RUNX2: variants seen among roughly 807,000 people sequenced by gnomAD.
RUNX2 encodes the protein runt-related transcription factor 2.
A neutral mutation model predicts 51.7 loss-of-function variants in RUNX2; 10 were observed. That is an observed-to-expected ratio of 0.19 (90% CI 0.12 to 0.33). RUNX2 has a LOEUF of 0.33. RUNX2 is among the 10% of genes least tolerant of loss of function. The pLI, the probability that RUNX2 is intolerant of heterozygous loss-of-function variation, is 1.00. For missense variants in RUNX2, 562 were observed against 691.3 expected, an observed-to-expected ratio of 0.81 and a Z score of 2.10; for synonymous variants, 276 against 273.6, an observed-to-expected ratio of 1.01 and a Z score of -0.09.
intron 5 of RUNX2, among the ~76,000 whole-genome samples, chr6:45,442,488 A>C (rs951812295): frequency 9.2e-5 from 14 of 152,346 alleles, no homozygotes; most frequent in African/African-American, 3.4e-4. Flanking sequence ...TAATTTCTAC[A>C]GGAATGTGAA....
intron 5 of RUNX2, among the ~76,000 whole-genome samples, chr6:45,443,758 A>G (rs563246970): frequency 1.5e-4 from 23 of 152,382 alleles, no homozygotes; most frequent in Admixed American, 1.3e-3. Context: ...CTCAAGTGAG[A>G]AGAACATTAG....
At chr6:45,497,755 T>C (rs574113301) in intron 6 of RUNX2, among the ~76,000 whole-genome samples, 1 of 152,274 alleles carries the variant, frequency 6.6e-6, no homozygotes, top group African/African-American at 2.4e-5. Flanking sequence ...TCTAGGGCCA[T>C]GTTTTCTTCA....
intron 5 of RUNX2, among the ~76,000 whole-genome samples, chr6:45,467,374 C>T (rs1394869403): frequency 4.6e-5 from 7 of 152,138 alleles, no homozygotes; most frequent in Non-Finnish European, 7.3e-5. Context: ...CTCTGCCTCC[C>T]GGGTTCAAGC....
At chr6:45,345,459 G>A (rs1470007863) in intron 2 of RUNX2, among the ~76,000 whole-genome samples, 4 of 151,922 alleles carry the variant, frequency 2.6e-5, no homozygotes, top group Non-Finnish European at 5.9e-5. Flanking sequence ...AATTATGATA[G>A]ACTCCTCAAC....
At position 45,471,240 on chromosome 6, in the gene RUNX2, G is replaced by T. The variant is rs375427916; in HGVS notation, c.686-20701G>T. 9.9e-5 allele frequency among the ~76,000 whole-genome samples: 15 copies of T among 152,026 alleles called. No homozygotes were observed. In the East Asian group the frequency reaches 2.9e-3, roughly 29 times the overall value. On this transcript the variant is annotated intron_variant, in intron 5 of 8. Transcript: ENST00000647337. ...CCAGATTTGTTACATTAAAAAGTAG[G>T]TCCAGAACAAATAAGTTCCTGGTTG...
chr6:45,383,086 A>C (rs1036456886), intron 2 of RUNX2, among the ~76,000 whole-genome samples: 2 of 152,198 alleles, frequency 1.3e-5, no homozygotes, highest in Non-Finnish European at 2.9e-5. Context: ...TTGGGGAATA[A>C]GTACATAATT....
intron 2 of RUNX2, among the ~76,000 whole-genome samples, chr6:45,369,155 C>T (rs1795631011): frequency 6.6e-6 from 1 of 152,062 alleles, no homozygotes; most frequent in Non-Finnish European, 1.5e-5. Flanking sequence ...AAACTTATCT[C>T]AAATCAGTCA....
chr6:45,332,540 CT>C (rs999882145), intron 2 of RUNX2, among the ~76,000 whole-genome samples: 2 of 151,702 alleles, frequency 1.3e-5, no homozygotes, highest in Admixed American at 1.3e-4. Context: ...CTGTTCTAAC[CT>C]TTGTTCTAGG....
intron 2 of RUNX2, among the ~76,000 whole-genome samples, chr6:45,417,611 C>T (rs1195959052): frequency 6.6e-6 from 1 of 152,114 alleles, no homozygotes. Context: ...GTCTTGCATC[C>T]CTTTCACTTT....
At chr6:45,463,929 C>A (rs1174365817) in intron 5 of RUNX2, among the ~76,000 whole-genome samples, 1 of 152,190 alleles carries the variant, frequency 6.6e-6, no homozygotes, top group African/African-American at 2.4e-5. Context: ...CACGGTGGCT[C>A]ACGCCTGTAA....
chr6:45,502,304 T>C (rs1018765407), intron 6 of RUNX2, among the ~76,000 whole-genome samples: 3 of 152,322 alleles, frequency 2.0e-5, no homozygotes, highest in African/African-American at 7.2e-5. Context: ...TGTAAGATCA[T>C]CCTTTTTGAT....
intron 5 of RUNX2, among the ~76,000 whole-genome samples, chr6:45,453,383 A>G (rs1243262658): frequency 6.6e-6 from 1 of 152,224 alleles, no homozygotes; most frequent in Non-Finnish European, 1.5e-5. Flanking sequence ...GGCCAGTTCC[A>G]TATTTTCTGC....
At position 45,545,287 on chromosome 6, in the gene RUNX2, G is replaced by A. The variant is rs1563132952; in HGVS notation, c.1087+5G>A. 1 of 1,546,518 alleles carries A rather than the reference G, an allele frequency of 6.5e-7. No homozygotes were observed. The highest frequency in any genetic ancestry group is 2.0e-5 in the Admixed American group (1 of 50,916). ...TCAGTAAGAAGAGCCAGGCAGGTGA[G>A]ACTTTTAACAATTGCTGGGCTGGGC... On this transcript the variant is annotated splice_donor_5th_base_variant and intron_variant, in intron 8 of 8. Coordinates refer to ENST00000647337, the MANE Select transcript of RUNX2 (RefSeq NM_001024630.4).
intron 5 of RUNX2, among the ~76,000 whole-genome samples, chr6:45,441,179 CTT>C (rs1401513152): frequency 6.6e-6 from 1 of 152,104 alleles, no homozygotes; most frequent in East Asian, 1.9e-4. Context: ...CTGTTTATCA[CTT>C]ATAGTGGCTT....
intron 2 of RUNX2, among the ~76,000 whole-genome samples, chr6:45,343,289 C>G (rs939141494): frequency 7.2e-5 from 11 of 152,036 alleles, no homozygotes; most frequent in Non-Finnish European, 1.3e-4. Flanking sequence ...GCGGGCAGAC[C>G]AAGAAGATCA....
intron 5 of RUNX2, among the ~76,000 whole-genome samples, chr6:45,449,166 C>T (rs1007325502): frequency 3.9e-5 from 6 of 152,266 alleles, no homozygotes; most frequent in Non-Finnish European, 7.4e-5. Flanking sequence ...ACCTCATTGC[C>T]ATCTTTGTGA....
intron 2 of RUNX2, among the ~76,000 whole-genome samples, chr6:45,396,149 A>C (rs1294888693): frequency 6.6e-6 from 1 of 152,196 alleles, no homozygotes; most frequent in African/African-American, 2.4e-5. Flanking sequence ...GCATCTGTCA[A>C]AATAAGCATT....
intron 2 of RUNX2, 175 bp from the exon 3 acceptor site, chr6:45,422,418 G>A (rs1202984179): frequency 3.1e-6 from 2 of 636,182 alleles, no homozygotes; most frequent in Non-Finnish European, 5.7e-6. Context: ...ACTCCGCCCG[G>A]CAGTCGGCCT....
At chr6:45,495,868 C>T (rs1800629051) in intron 6 of RUNX2, among the ~76,000 whole-genome samples, 1 of 152,192 alleles carries the variant, frequency 6.6e-6, no homozygotes, top group Non-Finnish European at 1.5e-5. Flanking sequence ...TAGCTAGAAC[C>T]TAATTAAAGT....
Sources: gnomAD v4.1 joint callset for allele counts (sites outside exome capture counted in the v4.1 genomes callset) on GRCh38, gnomAD v4.1.1 for gene constraint, MANE v1.5 for transcripts, NCBI Gene and HGNC (gene_info 2026-07-23, HGNC 2026-07-21) for gene names.